Variants in DLG2 observed in about 807,000 individuals in gnomAD.
DLG2 encodes discs large MAGUK scaffold protein 2.
DLG2 carries 45 observed loss-of-function variants against 132.5 expected under a neutral mutation model. The observed-to-expected ratio is 0.34, with a 90% confidence interval of 0.27 to 0.44. The LOEUF is 0.44. Ranked by LOEUF, DLG2 falls within the 20% of genes least tolerant of loss-of-function variation. The probability of loss-of-function intolerance (pLI) is 1.00; values close to 1 mark genes in which losing one functional copy is unlikely to be tolerated. For missense variants in DLG2, 1,045 were observed against 1,196.9 expected (o/e 0.87, Z 1.87); for synonymous variants, 424 against 419.6 (o/e 1.01, Z -0.13).
chr11:84,714,771 T>A (rs2061014901), intron 6 of DLG2, among the ~76,000 whole-genome samples: 1 of 151,508 alleles, frequency 6.6e-6, no homozygotes, highest in Non-Finnish European at 1.5e-5. Context: ...TCTGTTTGCC[T>A]GGTAACTACG....
At chr11:83,546,459 A>G (rs568181717) in intron 19 of DLG2, among the ~76,000 whole-genome samples, 44 of 152,250 alleles carry the variant, frequency 2.9e-4, no homozygotes, top group African/African-American at 1.0e-3. Flanking sequence ...TAGTAATGGC[A>G]CTAACGCAAA....
At chr11:85,037,074 C>T (rs1054650948) in intron 6 of DLG2, among the ~76,000 whole-genome samples, 2 of 152,190 alleles carry the variant, frequency 1.3e-5, no homozygotes, top group East Asian at 3.8e-4. Flanking sequence ...CCTCTGAAGG[C>T]TGTTGGCATC....
chr11:85,279,231 A>T (rs1014146600), intron 4 of DLG2, among the ~76,000 whole-genome samples: 6 of 152,126 alleles, frequency 3.9e-5, no homozygotes, highest in Non-Finnish European at 8.8e-5. Flanking sequence ...TGAAGAAAAA[A>T]CATGTTCCTG....
At chr11:83,491,156 T>TTTG (rs1565451069) in intron 21 of DLG2, among the ~76,000 whole-genome samples, 6 of 151,198 alleles carry the variant, frequency 4.0e-5, no homozygotes, top group African/African-American at 1.5e-4. Flanking sequence ...GTTTTTTTTT[T>TTTG]TTTGTTACTA....
rs181373066 is a variant in DLG2, at chr11:84,260,672, G to A, written c.520-9381C>T. On this transcript the variant is annotated intron_variant, in intron 7 of 27. Coordinates refer to ENST00000376104, the MANE Select transcript of DLG2 (RefSeq NM_001142699.3). ...CTTACAGAACCCCAGAAGGATTGACGGAACTTTCTCTTGTCTATAGAGAAG... is the reference window on the plus strand; with the variant it reads ...CTTACAGAACCCCAGAAGGATTGACAGAACTTTCTCTTGTCTATAGAGAAG... 9.2e-5 allele frequency among the ~76,000 whole-genome samples: 14 copies of A among 152,210 alleles called. No individual in the cohort carries two copies. The East Asian group carries it at 1.7e-3, about 19-fold the overall frequency.
chr11:84,494,796 GA>G (rs1490013846), intron 7 of DLG2, among the ~76,000 whole-genome samples: 3 of 152,144 alleles, frequency 2.0e-5, no homozygotes, highest in Non-Finnish European at 4.4e-5. Context: ...AGGAATCCCT[GA>G]AAATACCTGG....
intron 7 of DLG2, among the ~76,000 whole-genome samples, chr11:84,310,801 G>A (rs1420431720): frequency 3.3e-5 from 5 of 152,118 alleles, no homozygotes; most frequent in Admixed American, 6.5e-5. Flanking sequence ...AGCATAAACT[G>A]AGCCTAAGAT....
chr11:85,065,345 C>T (rs531871012), intron 6 of DLG2, among the ~76,000 whole-genome samples: 4 of 151,106 alleles, frequency 2.6e-5, no homozygotes, highest in African/African-American at 7.3e-5. Context: ...TTTTTAAAAC[C>T]CCTTGATGGC....
intron 21 of DLG2, among the ~76,000 whole-genome samples, chr11:83,499,854 T>G (rs1464894189): frequency 1.2e-4 from 3 of 24,416 alleles, no homozygotes; most frequent in African/African-American, 2.7e-4. Context: ...TAATAGGAGA[T>G]ATATATATAT....
At chr11:84,069,430 T>C (rs2154142200) in intron 10 of DLG2, among the ~76,000 whole-genome samples, 1 of 152,178 alleles carries the variant, frequency 6.6e-6, no homozygotes, top group East Asian at 1.9e-4. Flanking sequence ...TGCCATAATG[T>C]GTAAGGCTGT....
intron 6 of DLG2, among the ~76,000 whole-genome samples, chr11:84,786,533 A>G (rs150458498): frequency 6.8e-4 from 103 of 152,320 alleles, no homozygotes; most frequent in African/African-American, 2.3e-3. Flanking sequence ...AGCTTCTAAG[A>G]TAGAGCACTG....
At chr11:85,545,647 T>C (rs888897385) in intron 3 of DLG2, among the ~76,000 whole-genome samples, 1 of 152,194 alleles carries the variant, frequency 6.6e-6, no homozygotes, top group African/African-American at 2.4e-5. Context: ...AGGCTATTAA[T>C]TGCTGCCTCA....
intron 15 of DLG2, among the ~76,000 whole-genome samples, chr11:83,920,710 G>T (rs562406709): frequency 6.6e-6 from 1 of 151,406 alleles, no homozygotes; most frequent in South Asian, 2.2e-4. Flanking sequence ...AATCCTTATA[G>T]GTACCCCATG....
intron 11 of DLG2, among the ~76,000 whole-genome samples, chr11:84,032,439 C>T (rs968127773): frequency 2.0e-5 from 3 of 152,098 alleles, no homozygotes; most frequent in Non-Finnish European, 2.9e-5. Flanking sequence ...AGAGCAAGGC[C>T]CTAAATCTCT....
intron 11 of DLG2, among the ~76,000 whole-genome samples, chr11:83,984,457 C>A (rs1243942475): frequency 1.3e-5 from 2 of 152,034 alleles, no homozygotes; most frequent in African/African-American, 2.4e-5. Flanking sequence ...TAATCATATT[C>A]TAAATATTCA....
At chr11:85,320,716 A>C (rs933373344) in intron 3 of DLG2, among the ~76,000 whole-genome samples, 5 of 151,860 alleles carry the variant, frequency 3.3e-5, no homozygotes, top group African/African-American at 4.8e-5. Context: ...CAAGCCATGT[A>C]ATTATCTAGG....
chr11:85,433,241 T>C (rs1415828646), intron 3 of DLG2, among the ~76,000 whole-genome samples: 1 of 152,130 alleles, frequency 6.6e-6, no homozygotes, highest in Admixed American at 6.6e-5. Context: ...AATGACACTA[T>C]GAAGAAATGG....
intron 7 of DLG2, among the ~76,000 whole-genome samples, chr11:84,252,562 G>A (rs770110274): frequency 2.6e-5 from 4 of 151,818 alleles, no homozygotes; most frequent in Non-Finnish European, 5.9e-5. Flanking sequence ...AAAATTGTAC[G>A]ATTTGCAGTA....
At chr11:84,045,619 T>A (rs28673785) in intron 11 of DLG2, among the ~76,000 whole-genome samples, 14,544 of 151,652 alleles carry the variant, frequency 0.096, 989 homozygotes, top group African/African-American at 0.18. Context: ...TGCACAAAAT[T>A]CACTCACTAT....
Sources: allele counts gnomAD v4.1 joint callset (sites outside exome capture counted in the v4.1 genomes callset), GRCh38; gene constraint gnomAD v4.1.1; transcripts MANE v1.5; gene names NCBI Gene and HGNC (gene_info 2026-07-23, HGNC 2026-07-21).